Variants in AUTS2 observed in about 807,000 individuals in gnomAD.
The protein encoded by AUTS2 is autism susceptibility gene 2 protein.
In AUTS2, 17 loss-of-function variants were observed where a neutral mutation model predicts 112.4. The observed-to-expected ratio is 0.15, with a 90% CI of 0.10 to 0.23. The LOEUF (loss-of-function observed/expected upper bound fraction) is 0.23. AUTS2 is among the 10% of genes least tolerant of loss of function. The pLI, the probability that AUTS2 is intolerant of heterozygous loss-of-function variation, is 1.00. For missense variants in AUTS2, 1,510 were observed against 1,701.6 expected, an observed-to-expected ratio of 0.89 and a Z score of 1.98; for synonymous variants, 751 against 702.7, an observed-to-expected ratio of 1.07 and a Z score of -1.09.
chr7:70,094,300 A>G (rs757319238), intron 2 of AUTS2, among the ~76,000 whole-genome samples: 4 of 152,224 alleles, frequency 2.6e-5, no homozygotes, highest in African/African-American at 7.2e-5. Context: ...ACCTTTGCCT[A>G]CATGGAACCC....
chr7:69,748,615 T>C (rs143096102), intron 1 of AUTS2, among the ~76,000 whole-genome samples: 4 of 152,312 alleles, frequency 2.6e-5, no homozygotes, highest in East Asian at 1.9e-4. Flanking sequence ...CAGACAATTA[T>C]AAGGAACTCT....
rs759318185 is a variant in AUTS2 at position 69,957,050 on chromosome 7, C to CTT, written c.522+57568_522+57569dup. On this transcript the variant is annotated intron_variant, in intron 2 of 18. Transcript: ENST00000342771. ...ACTAAGTTTTTTCTTTTTGTTCTTT[C>CTT]TTTTTTTTTTTTTTTTTGGAGAGAC... 3.1e-3 allele frequency among the ~76,000 whole-genome samples: 411 copies of CTT among 132,322 alleles called. 3 individuals carry two copies. The highest frequency in any genetic ancestry group is 0.012 in the Middle Eastern group (3 of 260). The allele number at this position is 132,322 out of a possible 152,430, so 86.8% of individuals were successfully genotyped here.
intron 4 of AUTS2, among the ~76,000 whole-genome samples, chr7:70,171,642 T>C (rs928194150): frequency 2.3e-4 from 35 of 152,336 alleles, no homozygotes; most frequent in Middle Eastern, 3.4e-3. Flanking sequence ...TAGTCAAATT[T>C]GGAGGAGAAT....
At chr7:70,422,615 A>C (rs1795269003) in intron 4 of AUTS2, among the ~76,000 whole-genome samples, 1 of 152,108 alleles carries the variant, frequency 6.6e-6, no homozygotes. Context: ...TGTCTGTACT[A>C]AAAACACAAA....
chr7:70,625,531 G>T (rs1804892702), intron 5 of AUTS2, among the ~76,000 whole-genome samples: 1 of 152,202 alleles, frequency 6.6e-6, no homozygotes, highest in African/African-American at 2.4e-5. Flanking sequence ...AACTTTTGTT[G>T]TGATTTCACC....
At chr7:69,908,698 C>T (rs1323875920) in intron 2 of AUTS2, among the ~76,000 whole-genome samples, 1 of 152,220 alleles carries the variant, frequency 6.6e-6, no homozygotes, top group African/African-American at 2.4e-5. Context: ...CTGTTTGCAC[C>T]TGCATTTGCT....
At chr7:70,004,446 C>T (rs1461852437) in intron 2 of AUTS2, among the ~76,000 whole-genome samples, 2 of 131,812 alleles carry the variant, frequency 1.5e-5, no homozygotes, top group African/African-American at 2.9e-5. Flanking sequence ...TATAAAATGC[C>T]ATAAGCCATA....
chr7:69,787,739 G>C (rs754036988), intron 1 of AUTS2, among the ~76,000 whole-genome samples: 1 of 152,004 alleles, frequency 6.6e-6, no homozygotes, highest in Non-Finnish European at 1.5e-5. Context: ...CTCTATTTTA[G>C]TTTCCCCCAA....
At chr7:70,561,834 G>A (rs1447524308) in intron 5 of AUTS2, among the ~76,000 whole-genome samples, 1 of 151,988 alleles carries the variant, frequency 6.6e-6, no homozygotes, top group Non-Finnish European at 1.5e-5. Flanking sequence ...CCAGAACTAG[G>A]TCACGTGTTG....
chr7:70,231,184 C>T (rs1812030184), intron 4 of AUTS2, among the ~76,000 whole-genome samples: 1 of 152,178 alleles, frequency 6.6e-6, no homozygotes, highest in South Asian at 2.1e-4. Context: ...CTCACTCAGC[C>T]ATTTTGGAAG....
At chr7:69,826,676 A>G (rs1022571482) in intron 1 of AUTS2, among the ~76,000 whole-genome samples, 3 of 152,110 alleles carry the variant, frequency 2.0e-5, no homozygotes, top group Non-Finnish European at 2.9e-5. Flanking sequence ...GCCTCTCCAA[A>G]ATGCCTACTT....
At chr7:70,114,592 A>T (rs556219521) in intron 2 of AUTS2, among the ~76,000 whole-genome samples, 13 of 152,218 alleles carry the variant, frequency 8.5e-5, no homozygotes, top group African/African-American at 2.6e-4. Context: ...TGGGGGTTTG[A>T]AACCAACCTG....
At chr7:69,779,084 G>A (rs138387101) in intron 1 of AUTS2, among the ~76,000 whole-genome samples, 1 of 146,916 alleles carries the variant, frequency 6.8e-6, no homozygotes, top group Non-Finnish European at 1.5e-5. Context: ...AAGAGTCTGG[G>A]TCTTGCTATG....
intron 2 of AUTS2, among the ~76,000 whole-genome samples, chr7:70,088,281 G>A (rs528580103): frequency 2.6e-5 from 4 of 151,828 alleles, no homozygotes; most frequent in Admixed American, 1.3e-4. Flanking sequence ...CCACCACCAC[G>A]CCTGGCTAAA....
At chr7:70,738,545 C>CATGT (rs561154850) in intron 6 of AUTS2, among the ~76,000 whole-genome samples, 3 of 151,560 alleles carry the variant, frequency 2.0e-5, no homozygotes, top group Admixed American at 2.0e-4. Flanking sequence ...CTGTGAGGTA[C>CATGT]GTGGTGGGCA....
At chr7:70,564,923 C>T (rs1225654061) in intron 5 of AUTS2, among the ~76,000 whole-genome samples, 1 of 152,058 alleles carries the variant, frequency 6.6e-6, no homozygotes, top group Non-Finnish European at 1.5e-5. Context: ...TATGGTGAAA[C>T]CCTGTCTCTA....
chr7:70,483,301 G>T (rs370891467), intron 5 of AUTS2, among the ~76,000 whole-genome samples: 2 of 152,142 alleles, frequency 1.3e-5, no homozygotes, highest in East Asian at 3.8e-4. Context: ...GAGGATGAAT[G>T]GATACAGCGT....
At chr7:70,492,721 G>T (rs564472306) in intron 5 of AUTS2, among the ~76,000 whole-genome samples, 1 of 152,234 alleles carries the variant, frequency 6.6e-6, no homozygotes, top group Admixed American at 6.5e-5. Flanking sequence ...GTGAACTGCT[G>T]TCTGAGCAAA....
intron 1 of AUTS2, chr7:69,663,320 G>T (rs191958514): frequency 3.9e-5 from 6 of 152,092 alleles, no homozygotes; most frequent in African/African-American, 1.2e-4. Flanking sequence ...TGAAAGCAGA[G>T]AATTTTTTTT....
Sources: gnomAD v4.1 joint callset for allele counts (sites outside exome capture counted in the v4.1 genomes callset) on GRCh38, gnomAD v4.1.1 for gene constraint, MANE v1.5 for transcripts, NCBI Gene and HGNC (gene_info 2026-07-23, HGNC 2026-07-21) for gene names.